Variants in SLC26A6 observed in about 807,000 individuals in gnomAD.
SLC26A6 encodes the protein anion exchange transporter.
A neutral mutation model predicts 87.1 loss-of-function variants in SLC26A6; 67 were observed. The observed-to-expected ratio is 0.77, with a 90% CI of 0.63 to 0.94. The LOEUF (loss-of-function observed/expected upper bound fraction) is 0.94. SLC26A6 is among the 40% of genes least tolerant of loss of function. SLC26A6 has a pLI of 0.00. For synonymous variants in SLC26A6, 414 were observed against 405.9 expected (o/e 1.02, Z -0.24); for missense variants, 902 against 973.0 (o/e 0.93, Z 0.97).
At chr3:48,626,156 C>T in intron 20 of SLC26A6, 62 bp downstream of exon 20, 1 of 1,612,008 alleles carries the variant, frequency 6.2e-7, no homozygotes, top group Non-Finnish European at 8.5e-7. Context: ...GGAGCTGGGG[C>T]CAGGGTGGGG....
At chr3:48,634,677 C>G (rs2046904333) in intron 1 of SLC26A6, 1 of 976,976 alleles carries the variant, frequency 1.0e-6, no homozygotes, top group Non-Finnish European at 1.2e-6. Context: ...AAGTTCTGAT[C>G]TAGGAAAAGC....
chr3:48,629,959 A>T lies in SLC26A6; in HGVS notation c.1442T>A (p.Phe481Tyr), dbSNP rs182566586. The change falls in exon 13 of 21, where the codon TTC (phenylalanine) becomes TAC (tyrosine). Residue 481 changes from phenylalanine to tyrosine, a missense_variant. Phe to Tyr is a conservative substitution (Grantham distance 22). Around this residue, in one of 3 missense-constraint regions of SLC26A6, gnomAD observed 800 missense variants for 856.8 expected, o/e 0.93. Transcript: ENST00000395550. ...CAGGTTCAGCAAGATGGTGGCCGTGAAGGTCACCAGCCAGATAAGCTGAGA... is the reference window on the plus strand; with the variant it reads ...CAGGTTCAGCAAGATGGTGGCCGTGTAGGTCACCAGCCAGATAAGCTGAGA... ...RADLLIWLVT[F>Y]TATILLNLDL... 6 of 1,614,114 alleles carry T rather than the reference A, an allele frequency of 3.7e-6. No individual in the cohort carries two copies. Among genetic ancestry groups the T allele is most frequent in the Non-Finnish European group, 5.1e-6 (6 of 1,180,016 alleles).
chr3:48,627,578 G>C (rs77111638), intron 17 of SLC26A6: 2,780 of 192,792 alleles, frequency 0.014, 86 homozygotes, highest in African/African-American at 0.061. Context: ...GGGCTCAAAT[G>C]ATTTTCCCGC....
At position 48,631,680 on chromosome 3, in the gene SLC26A6, A is replaced by G. The variant is rs1559468704; in HGVS notation, c.872T>C (p.Leu291Pro). 6.2e-7 allele frequency: 1 copy of G among 1,613,244 alleles called. No individual in the cohort carries two copies. ...KLLNDKLQQQLPMPIPGELLT... is the reference protein window; with the variant it reads ...KLLNDKLQQQPPMPIPGELLT... ...CAGCTCCCCGGGTATCGGCATGGGC[A>G]GCTGCTGCTGCAGCTTGTCATTCAA... Residue 291 changes from leucine (L) to proline (P), a missense_variant, in exon 7 of 21, where the codon CTG (leucine) becomes CCG (proline). This residue lies in a region of SLC26A6 where 800 missense variants were observed against 856.8 expected (regional missense o/e 0.93). Transcript: ENST00000395550.
At chr3:48,635,284 C>A (rs2046924794) in intron 1 of SLC26A6, 87 bp downstream of exon 1, 3 of 1,229,036 alleles carry the variant, frequency 2.4e-6, no homozygotes, top group Non-Finnish European at 3.3e-6. Flanking sequence ...GCGGAGAATG[C>A]CTGCTCCAGC....
At chr3:48,627,148 G>T in intron 17 of SLC26A6, 93 bp from the exon 18 acceptor site, 1 of 1,455,894 alleles carries the variant, frequency 6.9e-7, no homozygotes. Context: ...AAGGTCAGAT[G>T]GGGAGCATGC....
chr3:48,627,772 G>A, intron 17 of SLC26A6, 174 bp downstream of exon 17: 1 of 545,610 alleles, frequency 1.8e-6, no homozygotes, highest in South Asian at 2.7e-5. Flanking sequence ...AGATTCTGTG[G>A]CATATCACGA....
rs748066879 is a variant in SLC26A6, at chr3:48,632,059, G to C, written c.586-15C>G. ...CCCAGCCCCACCTGTGGGGCGGCCA[G>C]GGGCAGTCAGGAGAGGCAGGGGTCC... On this transcript the variant is annotated splice_polypyrimidine_tract_variant and intron_variant, in intron 5 of 20. Transcript: ENST00000395550. 1 of 1,612,528 alleles carries C rather than the reference G, an allele frequency of 6.2e-7. No individual in the cohort carries two copies. Among genetic ancestry groups the C allele is most frequent in the East Asian group, 2.2e-5 (1 of 44,860 alleles).
chr3:48,630,461 C>G lies in SLC26A6; in HGVS notation c.1303G>C (p.Glu435Gln). Residue 435 changes from glutamate to glutamine, a missense_variant, in exon 11 of 21, where the codon GAA becomes CAA. Physicochemically the swap from Glu to Gln is conservative, Grantham distance 29. Around this residue, in one of 3 missense-constraint regions of SLC26A6, gnomAD observed 800 missense variants for 856.8 expected, o/e 0.93. Transcript: ENST00000395550. ...FILLIIVKLG[E>Q]LFHDLPKAVL... The stretch of plus-strand genomic sequence containing the variant: ...ACCTTGGGCAGGTCATGGAAGAGTT[C>G]CCCAAGTTTGACAATGATGAGGAGG... 1.3e-6 allele frequency: 2 copies of G among 1,559,160 alleles called. No homozygotes were observed. The highest frequency in any genetic ancestry group is 2.4e-5 in the East Asian group (1 of 41,416).
chr3:48,635,368 C>T lies in SLC26A6; in HGVS notation c.23+3G>A. On this transcript the variant is annotated splice_donor_region_variant and intron_variant, in intron 1 of 20. Transcript: ENST00000395550. Reference sequence around the variant, plus strand: ...GGCCACCGGGAATGTGCGCTGAACTCACCCCGACGCATCCGCCAGCCCCAT... The same window carrying T: ...GGCCACCGGGAATGTGCGCTGAACTTACCCCGACGCATCCGCCAGCCCCAT... 3.8e-6 allele frequency: 6 copies of T among 1,586,656 alleles called. No homozygotes were observed. Among genetic ancestry groups the T allele is most frequent in the Non-Finnish European group, 5.1e-6 (6 of 1,168,184 alleles).
In SLC26A6 at chr3:48,633,410, G is replaced by T. The variant is rs768193147; in HGVS notation, c.183-20C>A. The T allele has an allele frequency of 2.5e-6, 4 of 1,612,876 alleles. No individual in the cohort carries two copies. In the African/African-American group the frequency reaches 5.3e-5, roughly 22 times the overall value. On this transcript the variant is annotated intron_variant, in intron 2 of 20. Coordinates refer to ENST00000395550, the MANE Select transcript of SLC26A6 (RefSeq NM_022911.3). ...GAGCACCTAGGGACATGATATGAGG[G>T]GTAGGTGTCAGGAACAGGGGCTACC...
chr3:48,626,028 A>T lies in SLC26A6; in HGVS notation c.2266-28T>A, dbSNP rs905478302. 3 of 1,613,588 alleles carry T rather than the reference A, an allele frequency of 1.9e-6. No individual in the cohort carries two copies. The African/African-American group carries it at 4.0e-5, about 22-fold the overall frequency. Reference sequence around the variant, plus strand: ...GAGCAGGCAGAGGAGGGGAGGCTCTAGTCAGTTTCCAAAGGACACAGACCA... The same window carrying T: ...GAGCAGGCAGAGGAGGGGAGGCTCTTGTCAGTTTCCAAAGGACACAGACCA... On this transcript the variant is annotated intron_variant, in intron 20 of 20. Transcript: ENST00000395550.
chr3:48,631,246 C>G lies in SLC26A6; in HGVS notation c.964G>C (p.Val322Leu), dbSNP rs1414173929. 6.2e-7 allele frequency: 1 copy of G among 1,610,614 alleles called. No individual in the cohort carries two copies. The highest frequency in any genetic ancestry group is 1.1e-5 in the South Asian group (1 of 90,666). The change falls in exon 8 of 21, where the codon GTC (valine) becomes CTC (leucine). Residue 322 changes from valine (V) to leucine (L), a missense_variant. Coordinates refer to ENST00000395550, the MANE Select transcript of SLC26A6 (RefSeq NM_022911.3). ...MGLKHRFEVD[V>L]VGNIPAGLVP... Reference sequence around the variant, plus strand: ...CACCCTGCAGGGATGTTGCCCACGACATCTACCTCAAATCTGTGCTTTAGA... The same window carrying G: ...CACCCTGCAGGGATGTTGCCCACGAGATCTACCTCAAATCTGTGCTTTAGA...
intron 17 of SLC26A6, 105 bp downstream of exon 17, chr3:48,627,841 C>G: frequency 9.1e-7 from 1 of 1,095,288 alleles, no homozygotes; most frequent in African/African-American, 1.7e-5. Flanking sequence ...GGCGCAACAC[C>G]CTCGAGCCCA....
At position 48,633,314 on chromosome 3, in the gene SLC26A6, G is replaced by C; in HGVS notation, c.259C>G (p.Arg87Gly). The change falls in exon 3 of 21, where the codon CGT (arginine) becomes GGT (glycine). Residue 87 changes from arginine to glycine, a missense_variant. By Grantham distance (125) the Arg-to-Gly change is moderately radical (BLOSUM62 -2). This residue lies in a region of SLC26A6 where 800 missense variants were observed against 856.8 expected (regional missense o/e 0.93). Coordinates refer to ENST00000395550, the MANE Select transcript of SLC26A6 (RefSeq NM_022911.3). ...AACAGGTCACCCAGGAGCCAGTCACGCACAGGATACCGGGGTAACCAGACC... is the reference window on the plus strand; with the variant it reads ...AACAGGTCACCCAGGAGCCAGTCACCCACAGGATACCGGGGTAACCAGACC... ...VLVWLPRYPV[R>G]DWLLGDLLSG... The C allele has an allele frequency of 6.2e-7, 1 of 1,613,596 alleles. No individual in the cohort carries two copies. The highest frequency in any genetic ancestry group is 1.3e-5 in the African/African-American group (1 of 75,068).
chr3:48,634,862 C>G, intron 1 of SLC26A6: 1 of 608,902 alleles, frequency 1.6e-6, no homozygotes, highest in Non-Finnish European at 2.1e-6. Flanking sequence ...ACGTGAGTCA[C>G]TCAGGTCTTC....
At chr3:48,634,775 A>G (rs2046907838) in intron 1 of SLC26A6, 1 of 985,074 alleles carries the variant, frequency 1.0e-6, no homozygotes, top group Non-Finnish European at 1.2e-6. Context: ...AGGAGTGTGG[A>G]GTGGGTGCAA....
At position 48,630,691 on chromosome 3, in the gene SLC26A6, A is replaced by G. The variant is rs2106660913; in HGVS notation, c.1164T>C (p.Leu388=). 6.2e-7 allele frequency: 1 copy of G among 1,602,746 alleles called. No homozygotes were observed. Among genetic ancestry groups the G allele is most frequent in the Non-Finnish European group, 8.5e-7 (1 of 1,173,852 alleles). The part of the protein sequence containing the change: ...QELVALGLSN[L]IGGIFQCFPV... ...GGAAGCACTGGAAGATGCCTCCGATAAGGTTACTGAGGCCCAGGGCCACCA... is the reference window on the plus strand; with the variant it reads ...GGAAGCACTGGAAGATGCCTCCGATGAGGTTACTGAGGCCCAGGGCCACCA... Residue 388 remains leucine (L), a synonymous_variant, in exon 10 of 21, where the codon CTT becomes CTC. Coordinates refer to ENST00000395550, the MANE Select transcript of SLC26A6 (RefSeq NM_022911.3).
chr3:48,634,731 C>G, intron 1 of SLC26A6: 1 of 985,426 alleles, frequency 1.0e-6, no homozygotes, highest in Non-Finnish European at 1.2e-6. Flanking sequence ...AGGAACTCAC[C>G]TGGGAAGCGC....
Sources: gnomAD v4.1 joint callset for allele counts on GRCh38, gnomAD v4.1.1 for gene constraint, gnomAD v4.1.1 regional missense constraint, MANE v1.5 for transcripts, NCBI Gene and HGNC (gene_info 2026-07-23, HGNC 2026-07-21) for gene names.